Variants in TSNAX observed in about 807,000 individuals in gnomAD.
The protein encoded by TSNAX is translin associated factor X.
In TSNAX, 12 loss-of-function variants were observed where a neutral mutation model predicts 33.0. The ratio of observed to expected loss-of-function variants is 0.36; its 90% CI spans 0.23 to 0.59. The LOEUF (loss-of-function observed/expected upper bound fraction) is 0.59. Among genes scored for constraint, TSNAX ranks in the 20% least tolerant of loss-of-function variants. The probability of loss-of-function intolerance (pLI) is 0.74; values close to 1 mark genes in which losing one functional copy is unlikely to be tolerated. For synonymous variants in TSNAX, 110 were observed against 117.2 expected (o/e 0.94, Z 0.40); for missense variants, 267 against 341.3 (o/e 0.78, Z 1.72).
chr1:231,561,271 T>C lies in TSNAX; in HGVS notation c.495+16T>C. ...AAATAAAACTGTGAGAATTTAAAATTTATTTCACATTTGTTATATAATTTA... is the reference window on the plus strand; with the variant it reads ...AAATAAAACTGTGAGAATTTAAAATCTATTTCACATTTGTTATATAATTTA... On this transcript the variant is annotated intron_variant, in intron 5 of 5. Coordinates refer to ENST00000366639, the MANE Select transcript of TSNAX (RefSeq NM_005999.3). 1 of 1,473,964 alleles carries C rather than the reference T, an allele frequency of 6.8e-7. No homozygotes were observed. The highest frequency in any genetic ancestry group is 1.4e-5 in the African/African-American group (1 of 69,860). The allele number at this position is 1,473,964 out of a possible 1,614,324, so 91.3% of individuals were successfully genotyped here.
At chr1:231,539,997 C>CA (rs996008873) in intron 3 of TSNAX, among the ~76,000 whole-genome samples, 1 of 151,904 alleles carries the variant, frequency 6.6e-6, no homozygotes, top group African/African-American at 2.4e-5. Context: ...CCAGCCTGGC[C>CA]AACATGGCGA....
intron 4 of TSNAX, among the ~76,000 whole-genome samples, chr1:231,559,594 C>G (rs1660911572): frequency 6.6e-6 from 1 of 152,186 alleles, no homozygotes; most frequent in African/African-American, 2.4e-5. Context: ...TCCCAAAGTG[C>G]TGGGATTACA....
chr1:231,542,606 C>G lies in TSNAX; in HGVS notation c.362C>G (p.Thr121Ser). Residue 121 changes from threonine to serine, a missense_variant, in exon 4 of 6, where the codon ACT becomes AGT. By Grantham distance (58) the Thr-to-Ser change is moderately conservative. Transcript: ENST00000366639. Reference sequence around the variant, plus strand: ...ATGCATCAGTTCCATCGAGCCATTACTACAGGTAAGTCTAGGTTTGTTTCA... The same window carrying G: ...ATGCATCAGTTCCATCGAGCCATTAGTACAGGTAAGTCTAGGTTTGTTTCA... The part of the protein sequence containing the change: ...EDMHQFHRAI[T>S]TGLQEYVEAV... The G allele has an allele frequency of 1.2e-6, 2 of 1,613,604 alleles. No individual in the cohort carries two copies. The highest frequency in any genetic ancestry group is 2.2e-5 in the East Asian group (1 of 44,812).
At chr1:231,532,760 T>G (rs1021343305) in intron 2 of TSNAX, among the ~76,000 whole-genome samples, 1 of 152,188 alleles carries the variant, frequency 6.6e-6, no homozygotes, top group Admixed American at 6.5e-5. Flanking sequence ...TAAAACCCAG[T>G]TAATACATAC....
chr1:231,564,074 A>G (rs1661281393), intron 5 of TSNAX, among the ~76,000 whole-genome samples: 1 of 152,182 alleles, frequency 6.6e-6, no homozygotes, highest in East Asian at 1.9e-4. Flanking sequence ...ATAAATTGTG[A>G]TGGTGAGTGC....
At chr1:231,557,589 G>A (rs1660774010) in intron 4 of TSNAX, among the ~76,000 whole-genome samples, 1 of 152,144 alleles carries the variant, frequency 6.6e-6, no homozygotes, top group Non-Finnish European at 1.5e-5. Context: ...GACAGATGGA[G>A]CAATAGTTGA....
intron 2 of TSNAX, chr1:231,536,429 G>C (rs1398243755): frequency 1.3e-5 from 2 of 152,086 alleles, no homozygotes; most frequent in African/African-American, 2.4e-5. Flanking sequence ...AAAAAATTAA[G>C]ATACAATACA....
chr1:231,537,656 G>A (rs546045005), intron 3 of TSNAX, among the ~76,000 whole-genome samples: 7 of 151,328 alleles, frequency 4.6e-5, no homozygotes, highest in Non-Finnish European at 8.8e-5. Flanking sequence ...TGGGAGGCTT[G>A]CTTGAGCCTG....
chr1:231,559,818 CTT>C (rs529215479), intron 4 of TSNAX, among the ~76,000 whole-genome samples: 1 of 147,948 alleles, frequency 6.8e-6, no homozygotes, highest in South Asian at 2.1e-4. Flanking sequence ...GCATAGCTCT[CTT>C]TTTTTTTTCT....
intron 4 of TSNAX, among the ~76,000 whole-genome samples, chr1:231,551,093 A>G (rs1660266268): frequency 6.6e-6 from 1 of 152,222 alleles, no homozygotes; most frequent in Non-Finnish European, 1.5e-5. Context: ...ATATTTATTT[A>G]TATAGTACTT....
At position 231,561,163 on chromosome 1, in the gene TSNAX, C is replaced by CACT; in HGVS notation, c.404_406dup (p.His135_Phe136insTyr). On this transcript the variant is annotated inframe_insertion, in exon 5 of 6. Coordinates refer to ENST00000366639, the MANE Select transcript of TSNAX (RefSeq NM_005999.3). The stretch of plus-strand genomic sequence containing the variant: ...ATATGTGGAAGCTGTCTCTTTTCAA[C>CACT]ACTTCATCAAAACACGATCATTAAT... 6.2e-7 allele frequency: 1 copy of CACT among 1,611,430 alleles called. No individual in the cohort carries two copies. The highest frequency in any genetic ancestry group is 8.5e-7 in the Non-Finnish European group (1 of 1,179,042).
rs75489360 is a variant in TSNAX at position 231,561,498 on chromosome 1, G to A, written c.495+243G>A. On this transcript the variant is annotated intron_variant, in intron 5 of 5. Coordinates refer to ENST00000366639, the MANE Select transcript of TSNAX (RefSeq NM_005999.3). Reference sequence around the variant, plus strand: ...CCTAAAGCATTATGGAGTGCTTACTGTAAGTCCTCTTTTGGTTTTACTCTC... The same window carrying A: ...CCTAAAGCATTATGGAGTGCTTACTATAAGTCCTCTTTTGGTTTTACTCTC... 3.2e-4 allele frequency among the ~76,000 whole-genome samples: 49 copies of A among 152,314 alleles called. 1 individual carries two copies. The East Asian group carries it at 4.8e-3, about 15-fold the overall frequency.
chr1:231,529,228 C>T (rs775636681), intron 1 of TSNAX, 27 bp from the exon 2 acceptor site: 2 of 1,604,428 alleles, frequency 1.2e-6, no homozygotes, highest in East Asian at 4.5e-5. Context: ...ATGGAAGATC[C>T]CTCTCTTTTT....
chr1:231,560,951 C>T (rs113300205), intron 4 of TSNAX, among the ~76,000 whole-genome samples, 177 bp from the exon 5 acceptor site: 1,914 of 152,050 alleles, frequency 0.013, 49 homozygotes, highest in African/African-American at 0.043. Context: ...TGAGCCACCG[C>T]GCCTGGTCCC....
In TSNAX at chr1:231,528,681, T is replaced by C. The variant is rs1200361475; in HGVS notation, c.-130T>C. 5.8e-6 allele frequency: 6 copies of C among 1,040,252 alleles called. No individual in the cohort carries two copies. Among genetic ancestry groups the C allele is most frequent in the African/African-American group, 3.2e-5 (2 of 63,264 alleles). 64.4% of individuals were successfully genotyped at this position (1,040,252 alleles called of 1,614,324 possible). ...TGAGAGGAGACTTCCGGCCACTGCG[T>C]TGTAGTCGGCCCGGCTGCAAAGCGT... On this transcript the variant is annotated 5_prime_UTR_variant, in exon 1 of 6. Coordinates refer to ENST00000366639, the MANE Select transcript of TSNAX (RefSeq NM_005999.3).
intron 4 of TSNAX, among the ~76,000 whole-genome samples, chr1:231,552,485 A>G (rs1000110509): frequency 6.6e-6 from 1 of 152,156 alleles, no homozygotes; most frequent in African/African-American, 2.4e-5. Context: ...TCCAATATAA[A>G]TCTGATTTCA....
intron 3 of TSNAX, among the ~76,000 whole-genome samples, chr1:231,540,212 A>T (rs113659193): frequency 6.6e-6 from 1 of 151,984 alleles, no homozygotes. Flanking sequence ...TATGAAAGAA[A>T]TGAGCCAGTC....
At chr1:231,542,708 A>G in intron 4 of TSNAX, 97 bp downstream of exon 4, 2 of 1,346,172 alleles carry the variant, frequency 1.5e-6, no homozygotes, top group Non-Finnish European at 2.0e-6. Context: ...ACCTGATGAA[A>G]TAATAATACT....
Position 231,540,662 on chromosome 1 carries a change from C to G in TSNAX, c.237-1819C>G, listed in dbSNP as rs544559908. On this transcript the variant is annotated intron_variant, in intron 3 of 5. Transcript: ENST00000366639. ...AGTCAGATTGGCTGATAGTGGTGTT[C>G]GCGTCACTTATTTCCTTATGATTTT... is the stretch of plus-strand genomic sequence containing the variant. 6.0e-4 allele frequency among the ~76,000 whole-genome samples: 92 copies of G among 152,202 alleles called. 1 individual carries two copies. The highest frequency in any genetic ancestry group is 1.6e-3 in the African/African-American group (68 of 41,540).
Sources: allele counts gnomAD v4.1 joint callset (sites outside exome capture counted in the v4.1 genomes callset), GRCh38; gene constraint gnomAD v4.1.1; transcripts MANE v1.5; gene names NCBI Gene and HGNC (gene_info 2026-07-23, HGNC 2026-07-21).